The following PTPN4 variants were observed in gnomAD, a reference collection of about 807,000 sequenced individuals.
The protein encoded by PTPN4 is protein tyrosine phosphatase non-receptor type 4, also known as tyrosine-protein phosphatase non-receptor type 4.
A neutral mutation model predicts 135.5 loss-of-function variants in PTPN4; 49 were observed. The observed-to-expected ratio is 0.36, with a 90% CI of 0.29 to 0.46. The LOEUF (loss-of-function observed/expected upper bound fraction) is 0.46, where lower values mean the gene tolerates loss of function less well. Among genes scored for constraint, PTPN4 ranks in the 20% least tolerant of loss-of-function variants. PTPN4 has a pLI of 1.00. For synonymous variants in PTPN4, 333 were observed against 369.9 expected, an observed-to-expected ratio of 0.90 and a Z score of 1.14; for missense variants, 860 against 1,101.0, an observed-to-expected ratio of 0.78 and a Z score of 3.10.
At chr2:119,821,952 TAGA>T (rs1353914895) in intron 2 of PTPN4, among the ~76,000 whole-genome samples, 6 of 152,364 alleles carry the variant, frequency 3.9e-5, no homozygotes, top group African/African-American at 1.2e-4. Context: ...GTATTGTTTG[TAGA>T]CATTTAAAAC....
At chr2:119,762,004 T>G (rs1419782348) in intron 1 of PTPN4, among the ~76,000 whole-genome samples, 2 of 152,204 alleles carry the variant, frequency 1.3e-5, no homozygotes, top group Non-Finnish European at 2.9e-5. Context: ...ATGTTCTAAT[T>G]AAATATCTTT....
At chr2:119,910,454 C>T (rs1246348687) in intron 10 of PTPN4, among the ~76,000 whole-genome samples, 1 of 152,134 alleles carries the variant, frequency 6.6e-6, no homozygotes, top group Non-Finnish European at 1.5e-5. Context: ...GATAGCATTA[C>T]AGACCCTACA....
At chr2:119,767,829 A>G (rs536782839) in intron 1 of PTPN4, among the ~76,000 whole-genome samples, 1 of 152,232 alleles carries the variant, frequency 6.6e-6, no homozygotes, top group African/African-American at 2.4e-5. Context: ...GCTACTAGCG[A>G]TGTTTAACTT....
Position 119,946,587 on chromosome 2 carries a change from A to AC in PTPN4, c.1656+13_1656+14insC. The AC allele has an allele frequency of 6.6e-7, 1 of 1,506,118 alleles. No individual in the cohort carries two copies. 93.3% of individuals were successfully genotyped at this position (1,506,118 alleles called of 1,614,324 possible). A position where few individuals can be genotyped will look rare whatever the true frequency, so the allele number is the denominator to read the frequency against. ...ACCAGGAACACCTGTGAGTTATCTAAATGTTTCAAATAAATCCTGTTTTCA... is the reference window on the plus strand; with the variant it reads ...ACCAGGAACACCTGTGAGTTATCTAACATGTTTCAAATAAATCCTGTTTTCA... On this transcript the variant is annotated intron_variant, in intron 18 of 26. Transcript: ENST00000263708.
At chr2:119,906,489 G>A (rs1159570669) in intron 10 of PTPN4, among the ~76,000 whole-genome samples, 3 of 152,128 alleles carry the variant, frequency 2.0e-5, no homozygotes, top group Non-Finnish European at 4.4e-5. Flanking sequence ...TTATTTCCAG[G>A]ATGCAAGGAT....
At chr2:119,863,715 G>T (rs868494451) in intron 3 of PTPN4, among the ~76,000 whole-genome samples, 1 of 151,988 alleles carries the variant, frequency 6.6e-6, no homozygotes. Context: ...GGAAAAATAC[G>T]AGGATGACAC....
At chr2:119,910,086 G>A (rs1486023998) in intron 10 of PTPN4, among the ~76,000 whole-genome samples, 1 of 152,054 alleles carries the variant, frequency 6.6e-6, no homozygotes, top group African/African-American at 2.4e-5. Context: ...GGGTGAAGAG[G>A]ATTGACTGTT....
At chr2:119,884,220 C>A (rs1678122606) in intron 8 of PTPN4, among the ~76,000 whole-genome samples, 1 of 152,194 alleles carries the variant, frequency 6.6e-6, no homozygotes, top group Non-Finnish European at 1.5e-5. Flanking sequence ...TTTTATATGG[C>A]CCACAGGCTA....
chr2:119,760,707 T>C (rs1690470706), intron 1 of PTPN4, among the ~76,000 whole-genome samples: 1 of 149,510 alleles, frequency 6.7e-6, no homozygotes, highest in African/African-American at 2.5e-5. Context: ...TTTGGAATCT[T>C]GAGTTTTCCA....
rs577858416 is a variant in PTPN4, at chr2:119,786,693, G to A, written c.-17-23144G>A. ...GTGACCAAGCCTCAGAAGTCACTGC[G>A]TCATTTCTGCTATCCTCTTATTCAC... On this transcript the variant is annotated intron_variant, in intron 1 of 26. Coordinates refer to ENST00000263708, the MANE Select transcript of PTPN4 (RefSeq NM_002830.4). Among the ~76,000 whole-genome samples the A allele has an allele frequency of 5.9e-5, 9 of 152,296 alleles. No homozygotes were observed. In the South Asian group the frequency reaches 1.9e-3, roughly 32 times the overall value.
chr2:119,761,825 A>AAAAAT (rs1690511447), intron 1 of PTPN4, among the ~76,000 whole-genome samples: 1 of 152,186 alleles, frequency 6.6e-6, no homozygotes, highest in African/African-American at 2.4e-5. Flanking sequence ...ACTATTTTGT[A>AAAAAT]GTTTTTAAAA....
At chr2:119,850,112 A>G (rs947926558) in intron 2 of PTPN4, among the ~76,000 whole-genome samples, 1 of 152,224 alleles carries the variant, frequency 6.6e-6, no homozygotes, top group Non-Finnish European at 1.5e-5. Context: ...CTTAGACTGG[A>G]ACTTCTCTAT....
At chr2:119,867,367 G>A (rs1256828214) in intron 3 of PTPN4, among the ~76,000 whole-genome samples, 3 of 152,058 alleles carry the variant, frequency 2.0e-5, no homozygotes, top group Admixed American at 1.3e-4. Context: ...GAGTGCTAGA[G>A]ATAATTCAGT....
intron 13 of PTPN4, among the ~76,000 whole-genome samples, chr2:119,929,271 A>G (rs4404280): frequency 0.65 from 99,401 of 151,790 alleles, 33,104 homozygotes; most frequent in East Asian, 0.82. Flanking sequence ...GAACAGATAT[A>G]TGTCTACCAA....
intron 2 of PTPN4, among the ~76,000 whole-genome samples, chr2:119,859,932 T>C (rs1367268730): frequency 1.3e-5 from 2 of 152,192 alleles, no homozygotes; most frequent in Non-Finnish European, 2.9e-5. Flanking sequence ...TCTGGTCCTT[T>C]TCCTAGAGAA....
intron 10 of PTPN4, among the ~76,000 whole-genome samples, chr2:119,903,385 A>C (rs1428962438): frequency 6.6e-6 from 1 of 151,996 alleles, no homozygotes. Context: ...GGACCATCCC[A>C]GCTGCTGGCA....
intron 2 of PTPN4, among the ~76,000 whole-genome samples, chr2:119,843,013 C>A (rs972314572): frequency 1.3e-5 from 2 of 152,196 alleles, no homozygotes; most frequent in Non-Finnish European, 2.9e-5. Flanking sequence ...TTCTCTATTA[C>A]TAACTTGTTA....
At position 119,820,862 on chromosome 2, in the gene PTPN4, T is replaced by C. The variant is rs141794727; in HGVS notation, c.138+10871T>C. The stretch of plus-strand genomic sequence containing the variant: ...TATATGTATACTTTACATATATATA[T>C]ACACAGCTTTACATACACACATGTG... On this transcript the variant is annotated intron_variant, in intron 2 of 26. Transcript: ENST00000263708. 9.4e-4 allele frequency among the ~76,000 whole-genome samples: 132 copies of C among 139,948 alleles called. 1 individual carries two copies. In the East Asian group the frequency reaches 0.02, roughly 21 times the overall value. 91.8% of individuals were successfully genotyped at this position (139,948 alleles called of 152,430 possible). A position where few individuals can be genotyped will look rare whatever the true frequency, so the allele number is the denominator to read the frequency against.
chr2:119,839,434 A>G (rs1193087356), intron 2 of PTPN4, among the ~76,000 whole-genome samples: 1 of 152,222 alleles, frequency 6.6e-6, no homozygotes, highest in African/African-American at 2.4e-5. Flanking sequence ...TGATGAGAGG[A>G]CAAAACTTTC....
Sources: gnomAD v4.1 joint callset for allele counts (sites outside exome capture counted in the v4.1 genomes callset) on GRCh38, gnomAD v4.1.1 for gene constraint, MANE v1.5 for transcripts, NCBI Gene and HGNC (gene_info 2026-07-23, HGNC 2026-07-21) for gene names.